Variants in IFT43 observed in about 807,000 individuals in gnomAD.
The protein encoded by IFT43 is intraflagellar transport protein 43 homolog.
IFT43 carries 33 observed loss-of-function variants against 32.3 expected under a neutral mutation model. That is an observed-to-expected ratio of 1.02 (90% CI 0.77 to 1.37). The LOEUF is 1.37. Among genes scored for constraint, IFT43 ranks in the 40% most tolerant of loss-of-function variants. IFT43 has a pLI of 0.00. For missense variants in IFT43, 274 were observed against 265.9 expected, an observed-to-expected ratio of 1.03 and a Z score of -0.21; for synonymous variants, 93 against 98.2, an observed-to-expected ratio of 0.95 and a Z score of 0.31.
chr14:76,046,858 A>C (rs923422673), intron 3 of IFT43, among the ~76,000 whole-genome samples: 1 of 152,200 alleles, frequency 6.6e-6, no homozygotes, highest in Non-Finnish European at 1.5e-5. Flanking sequence ...TCCTGCTGCT[A>C]TAACAAAGTA....
chr14:76,026,297 G>A (rs886179686), intron 3 of IFT43, among the ~76,000 whole-genome samples: 6 of 152,144 alleles, frequency 3.9e-5, no homozygotes, highest in Non-Finnish European at 8.8e-5. Context: ...GGTGGCTCAC[G>A]CCTGTAATCC....
At chr14:76,080,826 A>G (rs753702614) in intron 5 of IFT43, among the ~76,000 whole-genome samples, 10 of 152,332 alleles carry the variant, frequency 6.6e-5, no homozygotes, top group Admixed American at 2.6e-4. Context: ...TCCATCTCCA[A>G]TTCTCTAGCA....
intron 1 of IFT43, among the ~76,000 whole-genome samples, chr14:75,987,477 C>G (rs868028463): frequency 6.6e-6 from 1 of 152,014 alleles, no homozygotes; most frequent in Non-Finnish European, 1.5e-5. Flanking sequence ...TGGAAAGCAC[C>G]CAGGAAACCC....
chr14:76,071,724 C>G (rs986703761), intron 5 of IFT43, among the ~76,000 whole-genome samples: 1 of 152,130 alleles, frequency 6.6e-6, no homozygotes, highest in Non-Finnish European at 1.5e-5. Context: ...TATTACCTTT[C>G]TTTTTAATAT....
At chr14:76,072,638 G>T (rs2037341624) in intron 5 of IFT43, among the ~76,000 whole-genome samples, 1 of 152,150 alleles carries the variant, frequency 6.6e-6, no homozygotes, top group Non-Finnish European at 1.5e-5. Flanking sequence ...CTTCCTCCAG[G>T]AACACAGAGA....
At chr14:76,020,097 C>T (rs1227380256) in intron 2 of IFT43, among the ~76,000 whole-genome samples, 3 of 152,134 alleles carry the variant, frequency 2.0e-5, no homozygotes, top group Non-Finnish European at 4.4e-5. Flanking sequence ...GCCTCAGCCT[C>T]CTGAGTAGCT....
intron 2 of IFT43, among the ~76,000 whole-genome samples, chr14:75,999,275 ATATATATTTT>A (rs2035834325): frequency 2.7e-4 from 5 of 18,398 alleles, no homozygotes; most frequent in East Asian, 1.9e-3. Context: ...ATATATATGT[ATATATATTTT>A]TTTTTTTTTT....
At chr14:76,036,408 CT>C (rs3086747) in intron 3 of IFT43, among the ~76,000 whole-genome samples, 74 of 119,726 alleles carry the variant, frequency 6.2e-4, no homozygotes, top group East Asian at 5.7e-3. Context: ...TTCTGTCTTT[CT>C]TTTTTTTTTT....
intron 3 of IFT43, among the ~76,000 whole-genome samples, chr14:76,028,159 A>G (rs1007652656): frequency 1.3e-5 from 2 of 151,234 alleles, no homozygotes; most frequent in African/African-American, 4.9e-5. Context: ...AAGTTTTATC[A>G]CTTGGTCTAG....
chr14:76,032,740 G>A (rs1489030364), intron 3 of IFT43, among the ~76,000 whole-genome samples: 5 of 152,174 alleles, frequency 3.3e-5, no homozygotes, highest in Admixed American at 2.6e-4. Flanking sequence ...TGTGGAAGGT[G>A]GAGAGCTGAA....
intron 5 of IFT43, 135 bp downstream of exon 5, chr14:76,059,508 C>T (rs756716332): frequency 6.1e-5 from 49 of 809,628 alleles, no homozygotes; most frequent in Admixed American, 2.0e-4. Context: ...TGCTGATGCA[C>T]ATCTTCATGC....
intron 2 of IFT43, among the ~76,000 whole-genome samples, chr14:75,999,380 G>A (rs2035841082): frequency 6.9e-6 from 1 of 145,704 alleles, no homozygotes; most frequent in African/African-American, 2.6e-5. Flanking sequence ...CTCCTACCTC[G>A]GGCTCCCAAA....
At chr14:76,083,364 G>A in intron 8 of IFT43, 75 bp downstream of exon 8, 2 of 1,611,522 alleles carry the variant, frequency 1.2e-6, no homozygotes, top group South Asian at 1.1e-5. Flanking sequence ...GGGCTGGCCT[G>A]TGCCTCCCTG....
At chr14:76,082,508 A>G in intron 6 of IFT43, 109 bp from the exon 7 acceptor site, 2 of 1,383,068 alleles carry the variant, frequency 1.4e-6, no homozygotes, top group Non-Finnish European at 2.1e-6. Flanking sequence ...TGTTATTCCC[A>G]TTCTGGTCAT....
chr14:76,083,440 C>G lies in IFT43; in HGVS notation c.508-18C>G, dbSNP rs766042096. On this transcript the variant is annotated intron_variant, in intron 8 of 8. Transcript: ENST00000314067. ...AAAGGCCTTTCTTTGTCTTACCCAGCGAAACCCTTCTTGGCAGGATGATGT... is the reference window on the plus strand; with the variant it reads ...AAAGGCCTTTCTTTGTCTTACCCAGGGAAACCCTTCTTGGCAGGATGATGT... 6.2e-7 allele frequency: 1 copy of G among 1,614,104 alleles called. No individual in the cohort carries two copies.
intron 3 of IFT43, among the ~76,000 whole-genome samples, chr14:76,047,903 G>A (rs2036840064): frequency 6.6e-6 from 1 of 152,114 alleles, no homozygotes; most frequent in African/African-American, 2.4e-5. Context: ...GAATCAAGGG[G>A]AGGCAGGGTT....
intron 3 of IFT43, among the ~76,000 whole-genome samples, chr14:76,033,762 G>C (rs2036549568): frequency 6.6e-6 from 1 of 152,190 alleles, no homozygotes; most frequent in Non-Finnish European, 1.5e-5. Flanking sequence ...TGTCCCGCAA[G>C]AGCTCAAATT....
chr14:75,999,281 A>ATTT (rs371670856), intron 2 of IFT43, among the ~76,000 whole-genome samples: 36 of 39,036 alleles, frequency 9.2e-4, no homozygotes, highest in African/African-American at 1.7e-3. Context: ...ATGTATATAT[A>ATTT]TTTTTTTTTT....
At chr14:76,067,135 T>G (rs1302373037) in intron 5 of IFT43, among the ~76,000 whole-genome samples, 1 of 152,212 alleles carries the variant, frequency 6.6e-6, no homozygotes, top group Non-Finnish European at 1.5e-5. Flanking sequence ...CCTCCCTTGC[T>G]TCATCCGTGG....
Sources: gnomAD v4.1 joint callset for allele counts (sites outside exome capture counted in the v4.1 genomes callset) on GRCh38, gnomAD v4.1.1 for gene constraint, MANE v1.5 for transcripts, NCBI Gene and HGNC (gene_info 2026-07-23, HGNC 2026-07-21) for gene names.